SANBR: variants seen among roughly 807,000 people sequenced by gnomAD.
SANBR encodes SANT and BTB domain regulator of CSR, also known as SANT and BTB domain regulator of class switch recombination.
SANBR carries 77 observed loss-of-function variants against 101.8 expected under a neutral mutation model. That is an observed-to-expected ratio of 0.76 (90% CI 0.63 to 0.91). SANBR has a LOEUF of 0.91. Among genes scored for constraint, SANBR ranks in the 40% least tolerant of loss-of-function variants. SANBR has a pLI of 0.00. For missense variants in SANBR, 875 were observed against 853.0 expected, an observed-to-expected ratio of 1.03 and a Z score of -0.32; for synonymous variants, 279 against 274.7, an observed-to-expected ratio of 1.02 and a Z score of -0.15.
At chr2:61,111,412 A>G (rs1683826585) in intron 16 of SANBR, among the ~76,000 whole-genome samples, 1 of 152,134 alleles carries the variant, frequency 6.6e-6, no homozygotes, top group African/African-American at 2.4e-5. Flanking sequence ...AAAAGAAAAA[A>G]CATGCTGCCT....
intron 1 of SANBR, 93 bp from the exon 2 acceptor site, chr2:61,068,756 A>G (rs1169911145): frequency 6.6e-6 from 1 of 152,376 alleles, no homozygotes; most frequent in Non-Finnish European, 1.5e-5. Flanking sequence ...GCTGCTACAC[A>G]CATTATGTAG....
In SANBR at chr2:61,084,707, A is replaced by T. The variant is rs536640931; in HGVS notation, c.890+1393A>T. Among the ~76,000 whole-genome samples the T allele has an allele frequency of 1.6e-4, 24 of 152,222 alleles. 1 individual carries two copies. In the South Asian group the frequency reaches 5.0e-3, roughly 32 times the overall value. ...TGAATGCAAGCAGGGGAGTGACGTG[A>T]TCTGATTTGTTGTTAAGAGGCCATT... On this transcript the variant is annotated intron_variant, in intron 8 of 21. Coordinates refer to ENST00000402291, the MANE Select transcript of SANBR (RefSeq NM_001129993.3).
Position 61,071,738 on chromosome 2 carries a change from A to G in SANBR, c.283A>G (p.Ile95Val), listed in dbSNP as rs757821512. ...ATYIKSSLLD[I>V]HGEFQETPVG... ...ATATATCAAATCCTCACTTCTTGAC[A>G]TACATGGAGAATTTCAGGAGACTCC... The change falls in exon 4 of 22, where the codon ATA becomes GTA. Residue 95 changes from isoleucine (I) to valine (V), a missense_variant. Ile to Val is a conservative substitution (Grantham distance 29). Coordinates refer to ENST00000402291, the MANE Select transcript of SANBR (RefSeq NM_001129993.3). The G allele has an allele frequency of 8.5e-5, 137 of 1,604,298 alleles. 2 individuals are homozygous for G. The South Asian group carries it at 9.5e-4, about 11-fold the overall frequency.
intron 12 of SANBR, among the ~76,000 whole-genome samples, chr2:61,099,138 T>C (rs1399857647): frequency 6.6e-6 from 1 of 152,188 alleles, no homozygotes; most frequent in African/African-American, 2.4e-5. Flanking sequence ...AAAACATGCA[T>C]AGTTCAAGAC....
rs754587348 is a variant in SANBR, at chr2:61,131,481, GAAAC to G, written c.2029-2654_2029-2651del. Among the ~76,000 whole-genome samples the G allele has an allele frequency of 3.8e-3, 571 of 152,140 alleles. 1 individual carries two copies. Among genetic ancestry groups the G allele is most frequent in the Non-Finnish European group, 6.8e-3 (465 of 67,954 alleles). On this transcript the variant is annotated intron_variant, in intron 20 of 21. Transcript: ENST00000295031. The stretch of plus-strand genomic sequence containing the variant: ...AGGCCTAATGATAAATTTAACAAAA[GAAAC>G]AGAAAACATTCTGAAAACATTCAAA...
intron 12 of SANBR, among the ~76,000 whole-genome samples, chr2:61,100,484 G>A (rs1430105303): frequency 6.6e-6 from 1 of 152,168 alleles, no homozygotes; most frequent in Non-Finnish European, 1.5e-5. Flanking sequence ...GATGGTATAA[G>A]GTGAGAAGGC....
chr2:61,088,198 T>G lies in SANBR; in HGVS notation c.930T>G (p.Pro310=). Reference sequence around the variant, plus strand: ...AGAAGATTGAAAGACTGTTTGATCCTGAGTACTTGAATCCAGATTCTCGGA... The same window carrying G: ...AGAAGATTGAAAGACTGTTTGATCCGGAGTACTTGAATCCAGATTCTCGGA... The part of the protein sequence containing the change: ...FCKKIERLFD[P]EYLNPDSRSN... Residue 310 remains proline (P), a synonymous_variant, in exon 9 of 22, where the codon CCT becomes CCG. Coordinates refer to ENST00000402291, the MANE Select transcript of SANBR (RefSeq NM_001129993.3). 2 of 1,608,162 alleles carry G rather than the reference T, an allele frequency of 1.2e-6. No homozygotes were observed. The highest frequency in any genetic ancestry group is 1.7e-6 in the Non-Finnish European group (2 of 1,178,272).
chr2:61,107,843 G>A (rs1229046214), intron 14 of SANBR, among the ~76,000 whole-genome samples: 2 of 150,792 alleles, frequency 1.3e-5, no homozygotes, highest in Non-Finnish European at 3.0e-5. Context: ...TGGAGATCGT[G>A]TCACTGCACT....
chr2:61,072,237 C>A (rs988237595), intron 4 of SANBR, among the ~76,000 whole-genome samples: 1 of 152,072 alleles, frequency 6.6e-6, no homozygotes, highest in African/African-American at 2.4e-5. Flanking sequence ...CTGCACCTGG[C>A]CTGAATTTTT....
rs115879492 is a variant in SANBR at position 61,079,073 on chromosome 2, A to G, written c.670+1915A>G. On this transcript the variant is annotated intron_variant, in intron 6 of 21. Coordinates refer to ENST00000402291, the MANE Select transcript of SANBR (RefSeq NM_001129993.3). ...GAAAAGAAAACATAGTTATTTTAAT[A>G]AAAATATGTTAACATGTAAATAGGT... Among the ~76,000 whole-genome samples, 406 of 152,302 alleles carry G rather than the reference A, an allele frequency of 2.7e-3. 2 individuals carry two copies. The highest frequency in any genetic ancestry group is 8.3e-3 in the African/African-American group (343 of 41,572).
chr2:61,126,289 G>A (rs1228288346), downstream of SANBR, among the ~76,000 whole-genome samples: 10 of 152,098 alleles, frequency 6.6e-5, no homozygotes, highest in Non-Finnish European at 8.8e-5. Flanking sequence ...AGTCCCATAC[G>A]TACTCCACAT....
At chr2:61,117,978 T>C (rs1559141458) in intron 19 of SANBR, 50 bp from the exon 20 acceptor site, 4 of 1,369,118 alleles carry the variant, frequency 2.9e-6, no homozygotes. Flanking sequence ...AAATAAAAAG[T>C]TATATATCAT....
At chr2:61,068,154 CAG>C (rs1451375728) in intron 1 of SANBR, among the ~76,000 whole-genome samples, 4 of 152,162 alleles carry the variant, frequency 2.6e-5, no homozygotes, top group Non-Finnish European at 5.9e-5. Context: ...GAGAAATAAA[CAG>C]AAATTTCTCA....
chr2:61,097,723 A>C lies in SANBR; in HGVS notation c.1236A>C (p.Ser412=), dbSNP rs1232170120. ...CYQAFLCIEF[S]HCQYHSETVV... ...AGGCCTTTCTCTGTATTGAATTTTC[A>C]CATTGTCAATACCACTCAGAAACAG... Residue 412 remains serine, a synonymous_variant, in exon 12 of 22, where the codon TCA becomes TCC. Coordinates refer to ENST00000402291, the MANE Select transcript of SANBR (RefSeq NM_001129993.3). 6.2e-7 allele frequency: 1 copy of C among 1,604,506 alleles called. No individual in the cohort carries two copies.
At chr2:61,093,531 G>A (rs1395762927) in intron 11 of SANBR, among the ~76,000 whole-genome samples, 1 of 152,198 alleles carries the variant, frequency 6.6e-6, no homozygotes, top group African/African-American at 2.4e-5. Flanking sequence ...GGAGGCAGAG[G>A]TTGCGGTGAG....
At chr2:61,089,823 T>A (rs1189892869) in intron 10 of SANBR, among the ~76,000 whole-genome samples, 3 of 152,226 alleles carry the variant, frequency 2.0e-5, no homozygotes, top group Non-Finnish European at 4.4e-5. Flanking sequence ...ACATCCTTCA[T>A]CCAGTATCAT....
intron 8 of SANBR, among the ~76,000 whole-genome samples, chr2:61,086,586 T>C (rs1425891371): frequency 6.6e-6 from 1 of 152,220 alleles, no homozygotes; most frequent in South Asian, 2.1e-4. Context: ...AATGCTTAAG[T>C]GACCAAATGT....
intron 1 of SANBR, among the ~76,000 whole-genome samples, chr2:61,067,405 A>G (rs1681231125): frequency 6.6e-6 from 1 of 152,206 alleles, no homozygotes; most frequent in Non-Finnish European, 1.5e-5. Flanking sequence ...CCTGAATTCC[A>G]TTTTAGATTG....
At chr2:61,092,212 C>T (rs1031594970) in intron 10 of SANBR, among the ~76,000 whole-genome samples, 2 of 152,144 alleles carry the variant, frequency 1.3e-5, no homozygotes, top group Non-Finnish European at 2.9e-5. Context: ...TATACAAACC[C>T]TGCCTCTACT....
Sources: gnomAD v4.1 joint callset for allele counts (sites outside exome capture counted in the v4.1 genomes callset) on GRCh38, gnomAD v4.1.1 for gene constraint, MANE v1.5 for transcripts, NCBI Gene and HGNC (gene_info 2026-07-23, HGNC 2026-07-21) for gene names.